SELENOK: variants seen among roughly 807,000 people sequenced by gnomAD.
SELENOK encodes the protein selenoprotein K.
SELENOK carries 11 observed loss-of-function variants against 17.3 expected under a neutral mutation model. That is an observed-to-expected ratio of 0.63 (90% CI 0.40 to 1.05). The LOEUF (loss-of-function observed/expected upper bound fraction) is 1.05, where lower values mean the gene tolerates loss of function less well. Ranked by LOEUF, SELENOK falls within the 50% of genes least tolerant of loss-of-function variation. SELENOK has a pLI of 0.00. For missense variants in SELENOK, 125 were observed against 113.9 expected (o/e 1.10, Z -0.44); for synonymous variants, 45 against 35.4 (o/e 1.27, Z -0.97).
At chr3:53,891,204 C>A (rs1700166170) in intron 1 of SELENOK, 1 of 153,068 alleles carries the variant, frequency 6.5e-6, no homozygotes, top group Non-Finnish European at 1.5e-5. Context: ...TCTTTTTACA[C>A]GTTGTAGACA....
chr3:53,886,911 T>C lies in SELENOK; in HGVS notation c.134A>G (p.Asp45Gly). Residue 45 changes from aspartate to glycine, a missense_variant, in exon 3 of 5, where the codon GAT becomes GGT. Transcript: ENST00000495461. ...VLFFKTLLQQ[D>G]VKKRRSYGNS... ...TCCATAGCTTCTTCTTTTTTTCACA[T>C]CTTGCTGAAGCAGAGTTTTGAAACT... The C allele has an allele frequency of 6.4e-7, 1 of 1,568,664 alleles. No homozygotes were observed. Among genetic ancestry groups the C allele is most frequent in the South Asian group, 1.2e-5 (1 of 84,348 alleles).
In SELENOK at chr3:53,891,831, C is replaced by A; in HGVS notation, c.-43G>T. 1.2e-6 allele frequency: 2 copies of A among 1,612,618 alleles called. No individual in the cohort carries two copies. The highest frequency in any genetic ancestry group is 8.5e-7 in the Non-Finnish European group (1 of 1,178,746). ...CTTCGGAGCCACCGGGCGCCTGGCC[C>A]CTGTCGGTTTCTGTATCTCCCTCTG... On this transcript the variant is annotated 5_prime_UTR_variant, in exon 1 of 5. Coordinates refer to ENST00000495461, the MANE Select transcript of SELENOK (RefSeq NM_021237.5).
Position 53,885,846 on chromosome 3 carries a change from TGGAGGG to T in SELENOK, c.255_260del (p.Pro86_Pro87del), listed in dbSNP as rs1322384546. 1.5e-5 allele frequency: 24 copies of T among 1,592,368 alleles called. No individual in the cohort carries two copies. Among genetic ancestry groups the T allele is most frequent in the Non-Finnish European group, 2.1e-5 (24 of 1,168,566 alleles). On this transcript the variant is annotated inframe_deletion, in exon 4 of 5. Coordinates refer to ENST00000495461, the MANE Select transcript of SELENOK (RefSeq NM_021237.5). ...GTTACCTTCCTCATCCACCAGCCATTGGAGGGGGACTAGGGCCACGCAGATGATTGA... is the reference window on the plus strand; with the variant it reads ...GTTACCTTCCTCATCCACCAGCCATTGGACTAGGGCCACGCAGATGATTGA...
rs772072081 is a variant in SELENOK at position 53,891,827 on chromosome 3, G to A, written c.-39C>T. On this transcript the variant is annotated 5_prime_UTR_variant, in exon 1 of 5. Coordinates refer to ENST00000495461, the MANE Select transcript of SELENOK (RefSeq NM_021237.5). ...CCCGCTTCGGAGCCACCGGGCGCCT[G>A]GCCCCTGTCGGTTTCTGTATCTCCC... is the stretch of plus-strand genomic sequence containing the variant. The A allele has an allele frequency of 1.9e-6, 3 of 1,612,834 alleles. No individual in the cohort carries two copies. Among genetic ancestry groups the A allele is most frequent in the Non-Finnish European group, 2.5e-6 (3 of 1,179,010 alleles).
At chr3:53,889,503 T>C (rs991563133) in intron 1 of SELENOK, among the ~76,000 whole-genome samples, 20 of 152,250 alleles carry the variant, frequency 1.3e-4, no homozygotes, top group African/African-American at 4.8e-4. Flanking sequence ...GTTTACCCAC[T>C]CATATCTGTT....
Position 53,885,910 on chromosome 3 carries a change from G to T in SELENOK, c.197C>A (p.Pro66Gln). ...CATTCTTCGGGGAGGGTTTCCTGGT[G>T]GCCTAATAAAATAAAAAGTTAGTAT... is the stretch of plus-strand genomic sequence containing the variant. ...SDSRYDDGRG[P>Q]PGNPPRRMGR... The change falls in exon 4 of 5, where the codon CCA becomes CAA. Residue 66 changes from proline (P) to glutamine (Q), a missense_variant and splice_region_variant. By Grantham distance (76) the Pro-to-Gln change is moderately conservative. Transcript: ENST00000495461. The T allele has an allele frequency of 6.6e-7, 1 of 1,512,484 alleles. No individual in the cohort carries two copies. Among genetic ancestry groups the T allele is most frequent in the Non-Finnish European group, 8.8e-7 (1 of 1,135,500 alleles). The allele number at this position is 1,512,484 out of a possible 1,614,324, so 93.7% of individuals were successfully genotyped here.
In SELENOK at chr3:53,886,852, C is replaced by T; in HGVS notation, c.193G>A (p.Gly65Arg). ...TATTATCAATTTAAAAAGCTGTACC[C>T]TCTTCCATCATCATATCTGGAATCA... ...SSDSRYDDGR[G>R]PPGNPPRRMG... The change falls in exon 3 of 5, where the codon GGG becomes AGG. Residue 65 changes from glycine to arginine, a missense_variant and splice_region_variant. By Grantham distance (125) the Gly-to-Arg change is moderately radical. Coordinates refer to ENST00000495461, the MANE Select transcript of SELENOK (RefSeq NM_021237.5). 1 of 1,546,722 alleles carries T rather than the reference C, an allele frequency of 6.5e-7. No homozygotes were observed. The highest frequency in any genetic ancestry group is 8.8e-7 in the Non-Finnish European group (1 of 1,140,862).
chr3:53,891,680 G>C, intron 1 of SELENOK, 90 bp downstream of exon 1: 1 of 1,542,276 alleles, frequency 6.5e-7, no homozygotes, highest in Non-Finnish European at 9.0e-7. Flanking sequence ...AAGCCGCACC[G>C]GGCTCAAGAC....
intron 1 of SELENOK, 91 bp from the exon 2 acceptor site, chr3:53,888,574 G>A (rs1700143543): frequency 1.1e-6 from 1 of 880,878 alleles, no homozygotes; most frequent in Admixed American, 2.1e-5. Context: ...ACAATGATTG[G>A]GGTTTTAACT....
At chr3:53,887,728 T>C (rs544142789) in intron 2 of SELENOK, among the ~76,000 whole-genome samples, 70 of 152,310 alleles carry the variant, frequency 4.6e-4, no homozygotes, top group African/African-American at 1.5e-3. Context: ...AGATATTTAC[T>C]GACAGTAAAC....
rs55835925 is a variant in SELENOK at position 53,885,053 on chromosome 3, T to G, written c.*505A>C. Reference sequence around the variant, plus strand: ...CAAATTAGACACAGTGTATTAAAGATTGATGAGACAAATATGTTAAAGATA... The same window carrying G: ...CAAATTAGACACAGTGTATTAAAGAGTGATGAGACAAATATGTTAAAGATA... On this transcript the variant is annotated 3_prime_UTR_variant, in exon 5 of 5. Coordinates refer to ENST00000495461, the MANE Select transcript of SELENOK (RefSeq NM_021237.5). 0.073 allele frequency: 11,057 copies of G among 152,390 alleles called. 616 individuals carry two copies. Among genetic ancestry groups the G allele is most frequent in the Middle Eastern group, 0.16 (46 of 292 alleles). The allele number at this position is 152,390 out of a possible 1,614,324, so 9.4% of individuals were successfully genotyped here.
intron 1 of SELENOK, among the ~76,000 whole-genome samples, chr3:53,889,497 A>G (rs1700152754): frequency 6.6e-6 from 1 of 152,176 alleles, no homozygotes; most frequent in Non-Finnish European, 1.5e-5. Flanking sequence ...CATTTTGTTT[A>G]CCCACTCATA....
intron 1 of SELENOK, among the ~76,000 whole-genome samples, chr3:53,889,488 A>G (rs962754767): frequency 2.6e-5 from 4 of 152,202 alleles, no homozygotes; most frequent in Non-Finnish European, 5.9e-5. Flanking sequence ...TATATACTAC[A>G]TTTTGTTTAC....
At position 53,885,906 on chromosome 3, in the gene SELENOK, T is replaced by C. The variant is rs2107087874; in HGVS notation, c.201A>G (p.Pro67=). The C allele has an allele frequency of 1.3e-6, 2 of 1,522,752 alleles. No individual in the cohort carries two copies. Among genetic ancestry groups the C allele is most frequent in the Non-Finnish European group, 1.8e-6 (2 of 1,140,690 alleles). The allele number at this position is 1,522,752 out of a possible 1,614,324, so 94.3% of individuals were successfully genotyped here. ...DSRYDDGRGP[P]GNPPRRMGRI... is the part of the protein sequence containing the mutation. ...TACCCATTCTTCGGGGAGGGTTTCC[T>C]GGTGGCCTAATAAAATAAAAAGTTA... is the stretch of plus-strand genomic sequence containing the variant. The change falls in exon 4 of 5, where the codon CCA becomes CCG. Residue 67 remains proline, a synonymous_variant. Coordinates refer to ENST00000495461, the MANE Select transcript of SELENOK (RefSeq NM_021237.5).
chr3:53,885,443 C>T lies in SELENOK; in HGVS notation c.*115G>A. 9.8e-7 allele frequency: 1 copy of T among 1,022,464 alleles called. No homozygotes were observed. Among genetic ancestry groups the T allele is most frequent in the Non-Finnish European group, 1.5e-6 (1 of 676,756 alleles). 63.3% of individuals were successfully genotyped at this position (1,022,464 alleles called of 1,614,324 possible). The stretch of plus-strand genomic sequence containing the variant: ...TCATCTGTGAGGACACAGAGCAGTC[C>T]TTGTTTAGACATACACATTCATCTA... On this transcript the variant is annotated 3_prime_UTR_variant, in exon 5 of 5. Coordinates refer to ENST00000495461, the MANE Select transcript of SELENOK (RefSeq NM_021237.5).
intron 1 of SELENOK, among the ~76,000 whole-genome samples, chr3:53,891,234 C>G (rs1168082701): frequency 6.6e-6 from 1 of 152,162 alleles, no homozygotes; most frequent in Non-Finnish European, 1.5e-5. Flanking sequence ...TAACAGATAA[C>G]AAGGACGCTG....
intron 1 of SELENOK, among the ~76,000 whole-genome samples, chr3:53,889,013 C>T (rs573434399): frequency 7.9e-5 from 12 of 151,318 alleles, no homozygotes; most frequent in African/African-American, 2.7e-4. Flanking sequence ...GCCCAGATGG[C>T]GCCACTGCAC....
intron 2 of SELENOK, 88 bp from the exon 3 acceptor site, chr3:53,887,022 G>T: frequency 9.3e-7 from 1 of 1,079,908 alleles, no homozygotes; most frequent in Non-Finnish European, 1.3e-6. Context: ...TCATCTCTGT[G>T]AGAGGATTAC....
chr3:53,885,610 T>C (rs531673981), intron 4 of SELENOK, 49 bp from the exon 5 acceptor site: 2 of 1,568,834 alleles, frequency 1.3e-6, no homozygotes, highest in Admixed American at 1.7e-5. Flanking sequence ...AATTTGGATC[T>C]GTGTGAAAAC....
Sources: gnomAD v4.1 joint callset for allele counts (sites outside exome capture counted in the v4.1 genomes callset) on GRCh38, gnomAD v4.1.1 for gene constraint, MANE v1.5 for transcripts, NCBI Gene and HGNC (gene_info 2026-07-23, HGNC 2026-07-21) for gene names.